Variants in PRRC2C observed in about 807,000 individuals in gnomAD.
PRRC2C encodes the protein proline rich coiled-coil 2C.
PRRC2C carries 72 observed loss-of-function variants against 317.2 expected under a neutral mutation model. The observed-to-expected ratio is 0.23, with a 90% CI of 0.19 to 0.28. The LOEUF is 0.28. PRRC2C is among the 10% of genes least tolerant of loss of function. PRRC2C has a pLI of 1.00. For synonymous variants in PRRC2C, 1,296 were observed against 1,205.9 expected, an observed-to-expected ratio of 1.07 and a Z score of -1.55; for missense variants, 3,074 against 3,459.7, an observed-to-expected ratio of 0.89 and a Z score of 2.80.
intron 1 of PRRC2C, among the ~76,000 whole-genome samples, chr1:171,503,191 T>C (rs923540123): frequency 6.6e-6 from 1 of 152,176 alleles, no homozygotes; most frequent in African/African-American, 2.4e-5. Context: ...AGAAGGAGGC[T>C]TATTGATAAT....
Position 171,542,026 on chromosome 1 carries a change from C to G in PRRC2C, c.4560C>G (p.Asp1520Glu). 4.3e-6 allele frequency: 7 copies of G among 1,613,752 alleles called. No individual in the cohort carries two copies. Among genetic ancestry groups the G allele is most frequent in the Non-Finnish European group, 5.9e-6 (7 of 1,179,844 alleles). ...AGAGGGATGAAAAAAAAAATGCTGA[C>G]TTGAATGCACAAACAGTTGTAAAGG... ...RRERDEKKNADLNAQTVVKVG... is the reference protein window; with the variant it reads ...RRERDEKKNAELNAQTVVKVG... Residue 1520 changes from aspartate to glutamate, a missense_variant, in exon 16 of 35, where the codon GAC becomes GAG. Around this residue, in one of 11 missense-constraint regions of PRRC2C, gnomAD observed 178 missense variants for 163.0 expected, o/e 1.09. Transcript: ENST00000647382.
At chr1:171,523,907 A>ATG (rs1674070480) in intron 9 of PRRC2C, among the ~76,000 whole-genome samples, 2 of 152,014 alleles carry the variant, frequency 1.3e-5, no homozygotes, top group African/African-American at 2.4e-5. Context: ...GTGGTGGTGC[A>ATG]TGCCTGTAAT....
chr1:171,510,542 C>T (rs1671167021), intron 1 of PRRC2C: 1 of 151,908 alleles, frequency 6.6e-6, no homozygotes, highest in Admixed American at 6.6e-5. Flanking sequence ...GGTAAATTTG[C>T]CAATAGGATA....
intron 7 of PRRC2C, 77 bp downstream of exon 7, chr1:171,522,336 G>A: frequency 2.0e-6 from 2 of 997,062 alleles, no homozygotes; most frequent in Non-Finnish European, 3.1e-6. Context: ...TGGATTGTGT[G>A]ATTCTGAGTT....
chr1:171,567,709 G>A lies in PRRC2C; in HGVS notation c.6559-538G>A, dbSNP rs146514602. Among the ~76,000 whole-genome samples the A allele has an allele frequency of 3.8e-3, 586 of 152,320 alleles. 3 individuals are homozygous for A. The highest frequency in any genetic ancestry group is 0.013 in the African/African-American group (535 of 41,560). The stretch of plus-strand genomic sequence containing the variant: ...CCTACAGAAATAAATATTTGGTACT[G>A]TTGACAGTCTCCTAGTACTAAATGT... On this transcript the variant is annotated intron_variant, in intron 22 of 34. Transcript: ENST00000647382.
In PRRC2C at chr1:171,532,741, G is replaced by A; in HGVS notation, c.1653G>A (p.Gln551=). 6.5e-7 allele frequency: 1 copy of A among 1,536,678 alleles called. No homozygotes were observed. The highest frequency in any genetic ancestry group is 8.7e-7 in the Non-Finnish European group (1 of 1,143,588). ...QEKEKELEKE[Q]EKQREMEKER... ...AGGAGAAAGAGCTGGAGAAGGAGCA[G>A]GAAAAACAAAGAGAAATGGAGAAAG... Residue 551 remains glutamine (Q), a synonymous_variant, in exon 12 of 35, where the codon CAG becomes CAA. Coordinates refer to ENST00000647382, the MANE Select transcript of PRRC2C (RefSeq NM_001387844.1).
intron 1 of PRRC2C, among the ~76,000 whole-genome samples, chr1:171,489,311 A>T (rs1401482141): frequency 6.6e-6 from 1 of 152,212 alleles, no homozygotes; most frequent in African/African-American, 2.4e-5. Context: ...GATTTTTAAA[A>T]TTTTTAGCTT....
rs993366083 is a variant in PRRC2C at position 171,557,742 on chromosome 1, C to A, written c.5630C>A (p.Thr1877Lys). 3.2e-6 allele frequency: 5 copies of A among 1,551,346 alleles called. No homozygotes were observed. The highest frequency in any genetic ancestry group is 4.4e-6 in the Non-Finnish European group (5 of 1,146,904). The change falls in exon 19 of 35, where the codon ACG (threonine) becomes AAG (lysine). Residue 1877 changes from threonine (T) to lysine (K), a missense_variant. Coordinates refer to ENST00000647382, the MANE Select transcript of PRRC2C (RefSeq NM_001387844.1). ...ASALASTSAP[T>K]PAPAASSPAA... The stretch of plus-strand genomic sequence containing the variant: ...GCCCTAGCATCAACTTCAGCTCCAA[C>A]GCCAGCCCCAGCAGCCTCTTCCCCA...
chr1:171,580,262 C>T lies in PRRC2C; in HGVS notation c.7409+298C>T, dbSNP rs576106612. 1.1e-4 allele frequency among the ~76,000 whole-genome samples: 16 copies of T among 152,286 alleles called. No individual in the cohort carries two copies. In the East Asian group the frequency reaches 2.9e-3, roughly 28 times the overall value. On this transcript the variant is annotated intron_variant, in intron 28 of 34. Transcript: ENST00000647382. Reference sequence around the variant, plus strand: ...CTAAAGAACCTAAAAGTATGTGTGCCATCTGGCTACCAAAAACTATAAATC... The same window carrying T: ...CTAAAGAACCTAAAAGTATGTGTGCTATCTGGCTACCAAAAACTATAAATC...
intron 34 of PRRC2C, among the ~76,000 whole-genome samples, chr1:171,590,200 T>C (rs1651116150): frequency 1.3e-5 from 2 of 152,216 alleles, no homozygotes; most frequent in Admixed American, 1.3e-4. Flanking sequence ...GAGGTGGTTG[T>C]ATTCCACAGT....
chr1:171,587,788 A>G (rs745974175), intron 32 of PRRC2C, 37 bp downstream of exon 32: 13 of 1,458,238 alleles, frequency 8.9e-6, no homozygotes, highest in Admixed American at 1.7e-5. Flanking sequence ...TGAAATTCCA[A>G]TTTGGTCACT....
intron 19 of PRRC2C, among the ~76,000 whole-genome samples, chr1:171,559,987 G>A (rs1257070318): frequency 3.3e-5 from 5 of 152,242 alleles, no homozygotes; most frequent in Non-Finnish European, 7.4e-5. Context: ...TTCCAACATG[G>A]CATCCATTCT....
At chr1:171,518,106 TCAG>T (rs995372459) in intron 6 of PRRC2C, among the ~76,000 whole-genome samples, 3 of 152,174 alleles carry the variant, frequency 2.0e-5, no homozygotes, top group South Asian at 2.1e-4. Flanking sequence ...AGGAAACAAA[TCAG>T]CAGTATCTTT....
At chr1:171,591,389 T>TTAA in intron 34 of PRRC2C, 198 bp from the exon 35 acceptor site, 26 of 594,892 alleles carry the variant, frequency 4.4e-5, no homozygotes, top group Non-Finnish European at 6.2e-5. Context: ...TTTTTTTTTT[T>TTAA]AAATCACATG....
chr1:171,534,638 C>T (rs1028726802), intron 12 of PRRC2C, among the ~76,000 whole-genome samples: 3 of 151,846 alleles, frequency 2.0e-5, no homozygotes, highest in Non-Finnish European at 4.4e-5. Context: ...GTTGCCCAGG[C>T]TGGTCTCAAA....
chr1:171,576,972 T>C (rs1685804421), intron 25 of PRRC2C, among the ~76,000 whole-genome samples: 1 of 152,226 alleles, frequency 6.6e-6, no homozygotes, highest in African/African-American at 2.4e-5. Context: ...TAAGTTTATG[T>C]GACATTTTAG....
At chr1:171,535,380 T>G in intron 12 of PRRC2C, 48 bp from the exon 13 acceptor site, 1 of 1,512,524 alleles carries the variant, frequency 6.6e-7, no homozygotes, top group Non-Finnish European at 8.9e-7. Context: ...CTGTGTTTGA[T>G]AAGTGTCATA....
intron 17 of PRRC2C, among the ~76,000 whole-genome samples, chr1:171,547,092 G>A (rs2102547228): frequency 6.6e-6 from 1 of 152,134 alleles, no homozygotes; most frequent in African/African-American, 2.4e-5. Context: ...GCATGGTGGT[G>A]CATGCCTGTA....
At chr1:171,576,465 A>G (rs573725135) in intron 25 of PRRC2C, among the ~76,000 whole-genome samples, 2 of 152,296 alleles carry the variant, frequency 1.3e-5, no homozygotes, top group African/African-American at 4.8e-5. Flanking sequence ...GATAATGACA[A>G]CTTATACATT....
Sources: allele counts gnomAD v4.1 joint callset (sites outside exome capture counted in the v4.1 genomes callset), GRCh38; gene constraint gnomAD v4.1.1; regional missense constraint gnomAD v4.1.1; transcripts MANE v1.5; gene names NCBI Gene and HGNC (gene_info 2026-07-23, HGNC 2026-07-21).